Variants in CDH13 observed in about 807,000 individuals in gnomAD.
CDH13 encodes cadherin 13, also known as cadherin-13.
A neutral mutation model predicts 63.8 loss-of-function variants in CDH13; 24 were observed. The ratio of observed to expected loss-of-function variants is 0.38; its 90% CI spans 0.27 to 0.53. The LOEUF is 0.53. Ranked by LOEUF, CDH13 falls within the 20% of genes least tolerant of loss-of-function variation. CDH13 has a pLI of 0.85. For synonymous variants in CDH13, 503 were observed against 355.3 expected, an observed-to-expected ratio of 1.42 and a Z score of -4.67; for missense variants, 1,049 against 903.1, an observed-to-expected ratio of 1.16 and a Z score of -2.07.
At chr16:83,633,158 C>T (rs977951293) in intron 8 of CDH13, among the ~76,000 whole-genome samples, 1 of 151,790 alleles carries the variant, frequency 6.6e-6, no homozygotes, top group African/African-American at 2.4e-5. Context: ...CTTGTGCTGA[C>T]CTCCTATCTC....
chr16:83,325,059 C>T (rs140843956), intron 5 of CDH13, among the ~76,000 whole-genome samples: 1 of 152,202 alleles, frequency 6.6e-6, no homozygotes, highest in Non-Finnish European at 1.5e-5. Flanking sequence ...GAACTTCCAT[C>T]AGACAGACCT....
chr16:82,866,959 G>A (rs1207061524), intron 2 of CDH13, among the ~76,000 whole-genome samples: 1 of 152,178 alleles, frequency 6.6e-6, no homozygotes, highest in Non-Finnish European at 1.5e-5. Flanking sequence ...GATTTGGGTG[G>A]GGCCACAAAG....
chr16:83,349,112 G>C (rs1307352135), intron 6 of CDH13, among the ~76,000 whole-genome samples: 1 of 152,176 alleles, frequency 6.6e-6, no homozygotes, highest in African/African-American at 2.4e-5. Flanking sequence ...TTGTTTTGGT[G>C]AATCATTCCT....
intron 1 of CDH13, among the ~76,000 whole-genome samples, chr16:82,731,107 G>A (rs897527845): frequency 1.3e-5 from 2 of 152,172 alleles, no homozygotes; most frequent in Non-Finnish European, 2.9e-5. Context: ...GGCCATGCCG[G>A]GAGTATTTAT....
intron 13 of CDH13, among the ~76,000 whole-genome samples, chr16:83,787,582 T>C (rs1316404399): frequency 6.6e-6 from 1 of 152,020 alleles, no homozygotes; most frequent in Non-Finnish European, 1.5e-5. Flanking sequence ...GCTTCTGGAG[T>C]GAGCGCCAGA....
chr16:82,720,757 T>G (rs1445845788), intron 1 of CDH13, among the ~76,000 whole-genome samples: 1 of 152,296 alleles, frequency 6.6e-6, no homozygotes, highest in South Asian at 2.1e-4. Context: ...GTATTTATTG[T>G]TCATGATGGC....
intron 10 of CDH13, among the ~76,000 whole-genome samples, chr16:83,747,303 G>T (rs1014214134): frequency 1.3e-5 from 2 of 152,158 alleles, no homozygotes; most frequent in Non-Finnish European, 2.9e-5. Flanking sequence ...ATAGGGGCGG[G>T]TCTTTCCCAT....
intron 5 of CDH13, among the ~76,000 whole-genome samples, chr16:83,296,118 A>G (rs886453382): frequency 5.9e-5 from 9 of 152,154 alleles, no homozygotes; most frequent in South Asian, 2.1e-4. Context: ...AGCTTTCCAC[A>G]TTCTTAGCAT....
chr16:83,025,047 C>T (rs1490696415), intron 2 of CDH13, among the ~76,000 whole-genome samples: 1 of 152,114 alleles, frequency 6.6e-6, no homozygotes, highest in Non-Finnish European at 1.5e-5. Flanking sequence ...GTAGAAAAAT[C>T]AGCTGGAAGA....
intron 2 of CDH13, among the ~76,000 whole-genome samples, chr16:82,982,334 C>T (rs1259582262): frequency 1.3e-5 from 2 of 152,034 alleles, no homozygotes; most frequent in African/African-American, 4.8e-5. Flanking sequence ...GCTTTTAGAA[C>T]TGTATTAGGT....
At position 82,788,394 on chromosome 16, in the gene CDH13, C is replaced by T. The variant is rs533107614; in HGVS notation, c.46-69968C>T. Among the ~76,000 whole-genome samples the T allele has an allele frequency of 1.8e-4, 27 of 152,272 alleles. 1 individual carries two copies. In the South Asian group the frequency reaches 5.6e-3, roughly 32 times the overall value. ...CATGCAGGCCTCCTGGACGACCGCC[C>T]TGATGTGGTCCACGTGACTCTTAAC... On this transcript the variant is annotated intron_variant, in intron 1 of 13. Transcript: ENST00000567109.
intron 9 of CDH13, among the ~76,000 whole-genome samples, chr16:83,673,555 G>A (rs943613245): frequency 6.7e-6 from 1 of 150,182 alleles, no homozygotes; most frequent in Non-Finnish European, 1.5e-5. Context: ...TGGCAACAGA[G>A]TGAGACTCTG....
intron 2 of CDH13, among the ~76,000 whole-genome samples, chr16:83,024,868 A>G (rs1359432314): frequency 1.3e-5 from 2 of 152,210 alleles, no homozygotes; most frequent in Non-Finnish European, 2.9e-5. Flanking sequence ...CACATGAAGT[A>G]CGTAGGGCTT....
chr16:83,140,750 C>A (rs999073289), intron 4 of CDH13, among the ~76,000 whole-genome samples: 1 of 152,176 alleles, frequency 6.6e-6, no homozygotes, highest in South Asian at 2.1e-4. Flanking sequence ...CCGCTGCACC[C>A]GGCCGATCTG....
At chr16:82,647,548 G>A (rs1460337257) in intron 1 of CDH13, among the ~76,000 whole-genome samples, 1 of 152,184 alleles carries the variant, frequency 6.6e-6, no homozygotes, top group African/African-American at 2.4e-5. Flanking sequence ...GGGAACCTTT[G>A]AGAATCAGTG....
chr16:82,736,162 A>G (rs1183987205), intron 1 of CDH13, among the ~76,000 whole-genome samples: 1 of 152,216 alleles, frequency 6.6e-6, no homozygotes, highest in African/African-American at 2.4e-5. Context: ...GGACTGGTCA[A>G]AATCTCGAAG....
intron 2 of CDH13, among the ~76,000 whole-genome samples, chr16:82,968,228 C>G (rs552707315): frequency 5.3e-5 from 8 of 152,260 alleles, no homozygotes; most frequent in African/African-American, 1.7e-4. Context: ...CAGTGGGAAG[C>G]CTAACATGCA....
chr16:82,873,976 C>T (rs2040424306), intron 2 of CDH13, among the ~76,000 whole-genome samples: 2 of 152,042 alleles, frequency 1.3e-5, no homozygotes, highest in Non-Finnish European at 2.9e-5. Context: ...AAAACATACT[C>T]TATGAAAAAT....
At chr16:82,759,119 G>C (rs74030842) in intron 1 of CDH13, among the ~76,000 whole-genome samples, 8,668 of 152,232 alleles carry the variant, frequency 0.057, 826 homozygotes, top group African/African-American at 0.2. Context: ...TAACTGTTGA[G>C]AGTCAGTGGA....
Sources: allele counts gnomAD v4.1 joint callset (sites outside exome capture counted in the v4.1 genomes callset), GRCh38; gene constraint gnomAD v4.1.1; transcripts MANE v1.5; gene names NCBI Gene and HGNC (gene_info 2026-07-23, HGNC 2026-07-21).